The following ZBTB25 variants were observed in gnomAD, a reference collection of about 807,000 sequenced individuals.
ZBTB25 encodes the protein zinc finger and BTB domain containing 25.
Under a neutral mutation model 34.2 loss-of-function variants are expected in ZBTB25, and 20 were observed. The observed-to-expected ratio is 0.58, with a 90% confidence interval of 0.41 to 0.85. ZBTB25 has a LOEUF of 0.85. Among genes scored for constraint, ZBTB25 ranks in the 40% least tolerant of loss-of-function variants. The probability of loss-of-function intolerance (pLI) is 0.00; values close to 1 mark genes in which losing one functional copy is unlikely to be tolerated. For synonymous variants in ZBTB25, 175 were observed against 186.4 expected, an observed-to-expected ratio of 0.94 and a Z score of 0.50; for missense variants, 437 against 521.8, an observed-to-expected ratio of 0.84 and a Z score of 1.58.
At chr14:64,498,787 C>A (rs1268593685) in intron 1 of ZBTB25, among the ~76,000 whole-genome samples, 3 of 152,084 alleles carry the variant, frequency 2.0e-5, no homozygotes, top group Non-Finnish European at 2.9e-5. Context: ...GCGCCCACCA[C>A]CACACCCAGC....
chr14:64,462,347 A>G (rs2078564753), intron 2 of ZBTB25: 1 of 152,334 alleles, frequency 6.6e-6, no homozygotes, highest in African/African-American at 2.4e-5. Flanking sequence ...GCTTGAGCCT[A>G]GGAGTTCGAG....
intron 1 of ZBTB25, among the ~76,000 whole-genome samples, chr14:64,497,944 T>A (rs183030086): frequency 6.6e-6 from 1 of 152,348 alleles, no homozygotes; most frequent in African/African-American, 2.4e-5. Context: ...ACTGAGACTT[T>A]ATGATGAATT....
chr14:64,460,138 T>G (rs2078537187), intron 2 of ZBTB25: 2 of 557,530 alleles, frequency 3.6e-6, no homozygotes, highest in South Asian at 5.0e-5. Flanking sequence ...ATGATACTGT[T>G]GTGTTTAGAG....
chr14:64,469,114 A>G (rs1477725556), intron 2 of ZBTB25: 2 of 1,614,112 alleles, frequency 1.2e-6, no homozygotes, highest in South Asian at 2.2e-5. Context: ...AGGAAAAACA[A>G]GATGTTCAAC....
intron 1 of ZBTB25, among the ~76,000 whole-genome samples, chr14:64,497,599 T>C (rs768120571): frequency 5.3e-5 from 8 of 152,356 alleles, no homozygotes; most frequent in Middle Eastern, 3.4e-3. Flanking sequence ...AGTTTTAGCA[T>C]TGATATTTAA....
downstream of ZBTB25, chr14:64,473,173 A>T (rs149760289): frequency 1.3e-3 from 216 of 167,156 alleles, no homozygotes; most frequent in African/African-American, 4.9e-3. Context: ...TTTTCAAAGC[A>T]CTTTATAGGA....
At position 64,482,083 on chromosome 14, in the gene ZBTB25, G is replaced by T. The variant is rs768853061; in HGVS notation, c.*4840C>A. 2 of 152,088 alleles carry T rather than the reference G, an allele frequency of 1.3e-5. No individual in the cohort carries two copies. Among genetic ancestry groups the T allele is most frequent in the South Asian group, 2.1e-4 (1 of 4,826 alleles). 9.4% of individuals were successfully genotyped at this position (152,088 alleles called of 1,614,324 possible). A position where few individuals can be genotyped will look rare whatever the true frequency, so the allele number is the denominator to read the frequency against. ...TGTATTTCCTTCAATTTTCAGTGAA[G>T]ACTTTTCTAATAATACTATTATTAC... On this transcript the variant is annotated 3_prime_UTR_variant, in exon 3 of 3. Transcript: ENST00000608382.
intron 2 of ZBTB25, chr14:64,467,618 A>G (rs1596587121): frequency 6.6e-6 from 1 of 152,046 alleles, no homozygotes; most frequent in African/African-American, 2.4e-5. Flanking sequence ...CAAAGTCTCT[A>G]GTTCTAACTC....
In ZBTB25 at chr14:64,487,306, G is replaced by A; in HGVS notation, c.925C>T (p.Pro309Ser). The A allele has an allele frequency of 6.2e-7, 1 of 1,613,994 alleles. No homozygotes were observed. Among genetic ancestry groups the A allele is most frequent in the Middle Eastern group, 1.7e-4 (1 of 6,060 alleles). The part of the protein sequence containing the change: ...SFIVKENEQQ[P>S]DHTNRGTTEP... ...GTGGTACCCCGGTTGGTGTGGTCTG[G>A]CTGCTGTTCATTCTCCTTAACAATG... The change falls in exon 3 of 3, where the codon CCA becomes TCA. Residue 309 changes from proline (P) to serine (S), a missense_variant. Pro to Ser is a moderately conservative substitution (Grantham distance 74). Transcript: ENST00000608382.
At chr14:64,501,710 G>C (rs1295883456) in intron 1 of ZBTB25, among the ~76,000 whole-genome samples, 1 of 152,200 alleles carries the variant, frequency 6.6e-6, no homozygotes, top group South Asian at 2.1e-4. Context: ...TCAGTGGTGG[G>C]GAGGACATTA....
chr14:64,475,179 C>T (rs2078708143), downstream of ZBTB25, among the ~76,000 whole-genome samples: 1 of 152,142 alleles, frequency 6.6e-6, no homozygotes, highest in Non-Finnish European at 1.5e-5. Flanking sequence ...GTGGCTCACA[C>T]CTGTAATCCC....
At chr14:64,459,141 G>C (rs191810042) in intron 2 of ZBTB25, among the ~76,000 whole-genome samples, 2 of 152,284 alleles carry the variant, frequency 1.3e-5, no homozygotes, top group Admixed American at 6.5e-5. Flanking sequence ...GAATCTATCT[G>C]GATATTTTCA....
chr14:64,465,323 G>T (rs2078599035), intron 2 of ZBTB25, among the ~76,000 whole-genome samples: 1 of 152,004 alleles, frequency 6.6e-6, no homozygotes, highest in Non-Finnish European at 1.5e-5. Flanking sequence ...GAGCACGATG[G>T]GCTTCCCCGC....
At chr14:64,472,382 T>C (rs548113199) in intron 2 of ZBTB25, 2 of 167,186 alleles carry the variant, frequency 1.2e-5, no homozygotes, top group African/African-American at 2.4e-5. Context: ...TTAGCAGTTA[T>C]TGGAAATATT....
intron 2 of ZBTB25, chr14:64,454,821 T>C: frequency 1.2e-6 from 2 of 1,614,226 alleles, no homozygotes; most frequent in South Asian, 2.2e-5. Flanking sequence ...TTCTGCCCAT[T>C]CGCGACATCC....
intron 2 of ZBTB25, among the ~76,000 whole-genome samples, chr14:64,466,411 A>G (rs2078614107): frequency 6.6e-6 from 1 of 152,206 alleles, no homozygotes; most frequent in African/African-American, 2.4e-5. Flanking sequence ...GTTTCCAATG[A>G]CAGACTCCTA....
chr14:64,486,152 A>G lies in ZBTB25; in HGVS notation c.*771T>C. 3.0e-6 allele frequency: 2 copies of G among 675,884 alleles called. No individual in the cohort carries two copies. The highest frequency in any genetic ancestry group is 3.7e-6 in the Non-Finnish European group (2 of 547,752). 41.9% of individuals were successfully genotyped at this position (675,884 alleles called of 1,614,324 possible). A position where few individuals can be genotyped will look rare whatever the true frequency, so the allele number is the denominator to read the frequency against. On this transcript the variant is annotated 3_prime_UTR_variant, in exon 3 of 3. Coordinates refer to ENST00000608382, the MANE Select transcript of ZBTB25 (RefSeq NM_006977.5). Reference sequence around the variant, plus strand: ...GTCTCTACTAAAAAAATACAAAAAAATTAGCTGGGCGTGGTGGCGGGCGCC... The same window carrying G: ...GTCTCTACTAAAAAAATACAAAAAAGTTAGCTGGGCGTGGTGGCGGGCGCC...
At chr14:64,503,364 G>T (rs867038942) in intron 1 of ZBTB25, 1 of 985,378 alleles carries the variant, frequency 1.0e-6, no homozygotes, top group South Asian at 4.7e-5. Flanking sequence ...CCGGACCCGC[G>T]GCCGGGACGG....
intron 2 of ZBTB25, chr14:64,469,017 A>C: frequency 6.2e-7 from 1 of 1,614,208 alleles, no homozygotes; most frequent in Non-Finnish European, 8.5e-7. Flanking sequence ...TCTGGAGAGA[A>C]AGTGATTTCA....
Sources: gnomAD v4.1 joint callset for allele counts (sites outside exome capture counted in the v4.1 genomes callset) on GRCh38, gnomAD v4.1.1 for gene constraint, MANE v1.5 for transcripts, NCBI Gene and HGNC (gene_info 2026-07-23, HGNC 2026-07-21) for gene names.